Variants in DNAH17 observed in about 807,000 individuals in gnomAD.
DNAH17 encodes the protein axonemal beta dynein heavy chain 17.
Under a neutral mutation model 485.6 loss-of-function variants are expected in DNAH17, and 376 were observed. That is an observed-to-expected ratio of 0.77 (90% CI 0.71 to 0.84). DNAH17 has a LOEUF of 0.84. Among genes scored for constraint, DNAH17 ranks in the 40% least tolerant of loss-of-function variants. The pLI, the probability that DNAH17 is intolerant of heterozygous loss-of-function variation, is 0.00. For synonymous variants in DNAH17, 3,031 were observed against 2,405.9 expected (o/e 1.26, Z -7.60); for missense variants, 6,370 against 5,839.3 (o/e 1.09, Z -2.96).
intron 54 of DNAH17, 136 bp downstream of exon 54, chr17:78,475,142 G>A (rs1362292966): frequency 9.8e-7 from 1 of 1,019,656 alleles, no homozygotes; most frequent in Non-Finnish European, 1.4e-6. Context: ...CTAAGATAAA[G>A]ACCCTTTGGA....
At position 78,459,098 on chromosome 17, in the gene DNAH17, T is replaced by C; in HGVS notation, c.9764A>G (p.Tyr3255Cys). 1.2e-6 allele frequency: 2 copies of C among 1,614,004 alleles called. No homozygotes were observed. The highest frequency in any genetic ancestry group is 1.7e-6 in the Non-Finnish European group (2 of 1,179,904). ...CINIVRFYEV[Y>C]CDVAPKRQAL... ...CTGCCTCTTGGGCGCCACGTCGCAGTAGACCTCGTAGAAGCGGACGATGTT... is the reference window on the plus strand; with the variant it reads ...CTGCCTCTTGGGCGCCACGTCGCAGCAGACCTCGTAGAAGCGGACGATGTT... The change falls in exon 61 of 81, where the codon TAC becomes TGC. Residue 3255 changes from tyrosine to cysteine, a missense_variant. Coordinates refer to ENST00000389840, the MANE Select transcript of DNAH17 (RefSeq NM_173628.4).
Position 78,498,555 on chromosome 17 carries a change from C to T in DNAH17, c.5745+453G>A, listed in dbSNP as rs550965230. On this transcript the variant is annotated intron_variant, in intron 37 of 80. Coordinates refer to ENST00000389840, the MANE Select transcript of DNAH17 (RefSeq NM_173628.4). ...CAATCCGAAGTCCCTGCACCCAGGT[C>T]GCCCCAGCCACTCCGCTGCACGCTC... Among the ~76,000 whole-genome samples, 11 of 152,344 alleles carry T rather than the reference C, an allele frequency of 7.2e-5. No homozygotes were observed. In the East Asian group the frequency reaches 1.5e-3, roughly 21 times the overall value.
In DNAH17 at chr17:78,460,359, T is replaced by TGTGTGCATGTGTGTGCATGC. The variant is rs1555659303; in HGVS notation, c.9340-103_9340-102insGCATGCACACACATGCACAC. ...GCATGTGTGTGCATGTGTGTGCATG[T>TGTGTGCATGTGTGTGCATGC]ATGCACGTGCATGAGTGTATGTGTG... On this transcript the variant is annotated intron_variant, in intron 58 of 80. Coordinates refer to ENST00000389840, the MANE Select transcript of DNAH17 (RefSeq NM_173628.4). 1.3e-4 allele frequency: 132 copies of TGTGTGCATGTGTGTGCATGC among 997,550 alleles called. 5 individuals are homozygous for TGTGTGCATGTGTGTGCATGC. Among genetic ancestry groups the TGTGTGCATGTGTGTGCATGC allele is most frequent in the Non-Finnish European group, 1.8e-4 (124 of 672,846 alleles). The allele number at this position is 997,550 out of a possible 1,614,324, so 61.8% of individuals were successfully genotyped here. A position where few individuals can be genotyped will look rare whatever the true frequency, so the allele number is the denominator to read the frequency against.
At position 78,486,375 on chromosome 17, in the gene DNAH17, G is replaced by T; in HGVS notation, c.6950C>A (p.Pro2317Gln). ...AATCGTTTGGATCACCGTGATCTCC[G>T]GCACTGGCGTGATCTTCTTGAACCC... Reference protein sequence around the residue: ...RFGFKKITPVPEITVIQTILY... With the variant: ...RFGFKKITPVQEITVIQTILY... The change falls in exon 45 of 81, where the codon CCG (proline) becomes CAG (glutamine). Residue 2317 changes from proline (P) to glutamine (Q), a missense_variant. By Grantham distance (76) the Pro-to-Gln change is moderately conservative. Transcript: ENST00000389840. The T allele has an allele frequency of 6.2e-7, 1 of 1,613,842 alleles. No individual in the cohort carries two copies. Among genetic ancestry groups the T allele is most frequent in the Non-Finnish European group, 8.5e-7 (1 of 1,179,838 alleles).
chr17:78,568,300 T>C (rs903419388), intron 9 of DNAH17, among the ~76,000 whole-genome samples: 2 of 152,118 alleles, frequency 1.3e-5, no homozygotes, highest in Non-Finnish European at 2.9e-5. Flanking sequence ...GCTCTGTGAC[T>C]GCAATTTTGA....
chr17:78,559,772 G>A (rs576434299), intron 13 of DNAH17, among the ~76,000 whole-genome samples: 23 of 152,050 alleles, frequency 1.5e-4, no homozygotes, highest in African/African-American at 4.3e-4. Context: ...GCCCTTCCTC[G>A]TCACCTCTCA....
chr17:78,505,589 A>G (rs2090460794), intron 30 of DNAH17, 144 bp from the exon 31 acceptor site: 1 of 1,058,866 alleles, frequency 9.4e-7, no homozygotes. Flanking sequence ...AAACATGACT[A>G]AGTCAACAAA....
At chr17:78,571,208 A>G in intron 5 of DNAH17, 71 bp downstream of exon 5, 1 of 1,420,886 alleles carries the variant, frequency 7.0e-7, no homozygotes, top group South Asian at 1.2e-5. Context: ...GGTTGGTGAC[A>G]AGTCTGACCC....
chr17:78,459,101 A>G lies in DNAH17; in HGVS notation c.9761T>C (p.Val3254Ala), dbSNP rs2087956899. The G allele has an allele frequency of 6.2e-7, 1 of 1,613,918 alleles. No homozygotes were observed. The highest frequency in any genetic ancestry group is 1.7e-5 in the Admixed American group (1 of 60,018). ...WCINIVRFYE[V>A]YCDVAPKRQA... ...CCTCTTGGGCGCCACGTCGCAGTAG[A>G]CCTCGTAGAAGCGGACGATGTTGAT... Residue 3254 changes from valine (V) to alanine (A), a missense_variant, in exon 61 of 81, where the codon GTC becomes GCC. Physicochemically the swap from Val to Ala is moderately conservative, Grantham distance 64 (BLOSUM62 0). Transcript: ENST00000389840.
chr17:78,494,600 A>C lies in DNAH17; in HGVS notation c.6263T>G (p.Phe2088Cys), dbSNP rs754361542. The change falls in exon 40 of 81, where the codon TTT (phenylalanine) becomes TGT (cysteine). Residue 2088 changes from phenylalanine (F) to cysteine (C), a missense_variant. Physicochemically the swap from Phe to Cys is radical, Grantham distance 205 (BLOSUM62 -2). Transcript: ENST00000389840. ...AGACCCAGGAGTCCCGACCTTTTCA[A>C]AATTCAGGTCCCGTTTCCGAGGCAC... ...LDVPRKRDLN[F>C]EKIIKQSIVE... 67 of 1,613,506 alleles carry C rather than the reference A, an allele frequency of 4.2e-5. No homozygotes were observed. The Middle Eastern group carries it at 8.2e-4, about 20-fold the overall frequency.
chr17:78,505,560 T>G (rs868326879), intron 30 of DNAH17, 115 bp from the exon 31 acceptor site: 2 of 1,332,596 alleles, frequency 1.5e-6, no homozygotes, highest in South Asian at 2.6e-5. Context: ...ATACTCCCCA[T>G]CTTTGATCAA....
At chr17:78,503,373 G>A (rs1043201606) in intron 31 of DNAH17, among the ~76,000 whole-genome samples, 2 of 142,660 alleles carry the variant, frequency 1.4e-5, no homozygotes, top group African/African-American at 5.3e-5. Context: ...TTTTACTAGA[G>A]GTGGGGTTTC....
intron 24 of DNAH17, among the ~76,000 whole-genome samples, chr17:78,525,965 G>A (rs1301700778): frequency 2.0e-5 from 3 of 152,256 alleles, no homozygotes; most frequent in African/African-American, 7.2e-5. Context: ...GAGCCTGTGA[G>A]GCGGAGGTGC....
At chr17:78,523,489 G>T (rs1044689050) in intron 25 of DNAH17, among the ~76,000 whole-genome samples, 3 of 151,810 alleles carry the variant, frequency 2.0e-5, no homozygotes, top group Admixed American at 2.0e-4. Flanking sequence ...TTTTTACAAG[G>T]GACTGTATAT....
intron 11 of DNAH17, among the ~76,000 whole-genome samples, chr17:78,565,596 C>T (rs367672107): frequency 8.9e-4 from 135 of 152,280 alleles, no homozygotes; most frequent in African/African-American, 3.2e-3. Flanking sequence ...GATCAGGGGC[C>T]CTGGAAGCAG....
intron 14 of DNAH17, among the ~76,000 whole-genome samples, chr17:78,557,015 A>G (rs1160745482): frequency 1.3e-5 from 2 of 152,136 alleles, no homozygotes; most frequent in African/African-American, 2.4e-5. Flanking sequence ...GTGTTGCTGG[A>G]CGGGACCGCC....
At chr17:78,438,432 AGGAGGAGGAGGAG>A (rs2086930311) in intron 73 of DNAH17, among the ~76,000 whole-genome samples, 2 of 50,710 alleles carry the variant, frequency 3.9e-5, no homozygotes, top group Admixed American at 2.0e-4. Context: ...GAGAAGGAGG[AGGAGGAGGAGGAG>A]GGAGGAGGGA....
chr17:78,426,688 A>G (rs761785637), intron 78 of DNAH17, 88 bp from the exon 79 acceptor site: 2 of 1,507,504 alleles, frequency 1.3e-6, no homozygotes, highest in Non-Finnish European at 1.8e-6. Flanking sequence ...TTGTCAACAC[A>G]GTGTGGCTTT....
chr17:78,467,884 G>C (rs936670671), intron 55 of DNAH17, among the ~76,000 whole-genome samples: 13 of 152,210 alleles, frequency 8.5e-5, no homozygotes, highest in Middle Eastern at 3.4e-3. Flanking sequence ...CAGGTGTGGT[G>C]GTGGGCACCT....
Sources: allele counts gnomAD v4.1 joint callset (sites outside exome capture counted in the v4.1 genomes callset), GRCh38; gene constraint gnomAD v4.1.1; transcripts MANE v1.5; gene names NCBI Gene and HGNC (gene_info 2026-07-23, HGNC 2026-07-21).